The following CBLB variants were observed in gnomAD, a reference collection of about 807,000 sequenced individuals.
CBLB encodes E3 ubiquitin-protein ligase CBL-B.
In CBLB, 31 loss-of-function variants were observed where a neutral mutation model predicts 104.9. The ratio of observed to expected loss-of-function variants is 0.30; its 90% CI spans 0.22 to 0.40. The LOEUF (loss-of-function observed/expected upper bound fraction) is 0.40, where lower values mean the gene tolerates loss of function less well. Among genes scored for constraint, CBLB ranks in the 10% least tolerant of loss-of-function variants. The probability of loss-of-function intolerance (pLI) is 1.00; values close to 1 mark genes in which losing one functional copy is unlikely to be tolerated. For missense variants in CBLB, 1,062 were observed against 1,214.6 expected, an observed-to-expected ratio of 0.87 and a Z score of 1.87; for synonymous variants, 440 against 422.6, an observed-to-expected ratio of 1.04 and a Z score of -0.51.
chr3:105,771,290 A>G (rs1268604752), intron 4 of CBLB, among the ~76,000 whole-genome samples: 1 of 152,224 alleles, frequency 6.6e-6, no homozygotes, highest in African/African-American at 2.4e-5. Flanking sequence ...AAAAATATAT[A>G]TAATCATCTC....
intron 3 of CBLB, among the ~76,000 whole-genome samples, chr3:105,782,685 C>T (rs562919622): frequency 4.7e-4 from 70 of 150,450 alleles, no homozygotes; most frequent in Non-Finnish European, 8.7e-4. Context: ...CTCATGGGTT[C>T]AAGCGATTCT....
At chr3:105,719,545 G>T (rs1333333774) in intron 10 of CBLB, among the ~76,000 whole-genome samples, 1 of 152,164 alleles carries the variant, frequency 6.6e-6, no homozygotes, top group Non-Finnish European at 1.5e-5. Context: ...TAACGTCATA[G>T]CACAAAGCAT....
intron 14 of CBLB, 97 bp from the exon 15 acceptor site, chr3:105,681,915 T>TA: frequency 1.3e-6 from 1 of 751,524 alleles, no homozygotes; most frequent in South Asian, 1.5e-5. Flanking sequence ...GTTTATTTAA[T>TA]AAAGTTTGAA....
intron 14 of CBLB, among the ~76,000 whole-genome samples, chr3:105,683,081 T>G (rs529853508): frequency 2.0e-5 from 3 of 152,360 alleles, no homozygotes; most frequent in African/African-American, 7.2e-5. Flanking sequence ...GAAATTCATT[T>G]CTATTCTCTC....
chr3:105,728,173 C>T (rs2073903029), intron 9 of CBLB, among the ~76,000 whole-genome samples: 1 of 151,854 alleles, frequency 6.6e-6, no homozygotes, highest in African/African-American at 2.4e-5. Context: ...TCTTTATGTC[C>T]TCTCTGTTTG....
At chr3:105,810,694 T>C (rs759328096) in intron 3 of CBLB, among the ~76,000 whole-genome samples, 26 of 152,238 alleles carry the variant, frequency 1.7e-4, no homozygotes, top group South Asian at 1.0e-3. Context: ...TCTATAATTA[T>C]AAAAAGTAGG....
intron 2 of CBLB, among the ~76,000 whole-genome samples, chr3:105,854,481 G>A (rs2091344866): frequency 6.6e-6 from 1 of 152,032 alleles, no homozygotes; most frequent in Admixed American, 6.6e-5. Flanking sequence ...TGAAATAATT[G>A]AGAATTGCAC....
At chr3:105,723,518 A>G (rs1026569239) in intron 9 of CBLB, among the ~76,000 whole-genome samples, 1 of 152,134 alleles carries the variant, frequency 6.6e-6, no homozygotes, top group African/African-American at 2.4e-5. Context: ...AATAATTCAG[A>G]CTCACATTTC....
chr3:105,674,493 G>T (rs1295343019), intron 17 of CBLB, among the ~76,000 whole-genome samples: 1 of 152,180 alleles, frequency 6.6e-6, no homozygotes, highest in Non-Finnish European at 1.5e-5. Context: ...ACAGGTTAGA[G>T]AAACAGCAAA....
At chr3:105,807,124 C>T (rs2083610096) in intron 3 of CBLB, among the ~76,000 whole-genome samples, 1 of 152,090 alleles carries the variant, frequency 6.6e-6, no homozygotes, top group African/African-American at 2.4e-5. Flanking sequence ...AATAGAATAC[C>T]ATTATATGAA....
intron 9 of CBLB, among the ~76,000 whole-genome samples, chr3:105,721,726 A>G (rs759040768): frequency 5.9e-5 from 9 of 152,192 alleles, no homozygotes; most frequent in Non-Finnish European, 1.2e-4. Context: ...TACAGATAAC[A>G]AAACCAAGAT....
intron 6 of CBLB, among the ~76,000 whole-genome samples, chr3:105,740,990 A>G (rs1375002993): frequency 6.6e-6 from 1 of 152,182 alleles, no homozygotes; most frequent in East Asian, 1.9e-4. Context: ...AATAAAATAA[A>G]TAAGTAAAAA....
intron 6 of CBLB, among the ~76,000 whole-genome samples, chr3:105,740,919 G>A (rs995395968): frequency 2.6e-5 from 4 of 151,770 alleles, no homozygotes; most frequent in East Asian, 1.9e-4. Context: ...ATCAGGATGC[G>A]GTGTATGGAA....
intron 6 of CBLB, 146 bp from the exon 7 acceptor site, chr3:105,740,777 T>C (rs998147170): frequency 1.7e-5 from 12 of 726,196 alleles, no homozygotes; most frequent in African/African-American, 5.3e-5. Flanking sequence ...AACTTATTTT[T>C]AGCAACAATG....
chr3:105,837,965 A>C (rs1310514876), intron 3 of CBLB, among the ~76,000 whole-genome samples: 1 of 152,192 alleles, frequency 6.6e-6, no homozygotes, highest in African/African-American at 2.4e-5. Flanking sequence ...ATCCTATAGT[A>C]ATTCTAAAGA....
At chr3:105,694,900 A>G (rs1483284251) in intron 12 of CBLB, among the ~76,000 whole-genome samples, 1 of 151,826 alleles carries the variant, frequency 6.6e-6, no homozygotes, top group African/African-American at 2.4e-5. Context: ...AGTGTTCTGA[A>G]GTGTGCCAGA....
intron 4 of CBLB, among the ~76,000 whole-genome samples, chr3:105,772,374 A>G (rs1011179562): frequency 6.6e-6 from 1 of 152,262 alleles, no homozygotes; most frequent in Non-Finnish European, 1.5e-5. Flanking sequence ...AATCAACTCA[A>G]GATGGATCAA....
intron 3 of CBLB, among the ~76,000 whole-genome samples, chr3:105,806,704 G>C (rs570665417): frequency 1.2e-4 from 19 of 152,086 alleles, no homozygotes; most frequent in African/African-American, 4.1e-4. Flanking sequence ...CCTGCAACAG[G>C]TTACTTTTAA....
intron 3 of CBLB, among the ~76,000 whole-genome samples, chr3:105,780,333 G>T (rs1256387360): frequency 6.6e-6 from 1 of 151,932 alleles, no homozygotes; most frequent in Non-Finnish European, 1.5e-5. Context: ...AAGCCCATGG[G>T]ATTTCCCATC....
Sources: allele counts gnomAD v4.1 joint callset (sites outside exome capture counted in the v4.1 genomes callset), GRCh38; gene constraint gnomAD v4.1.1; transcripts MANE v1.5; gene names NCBI Gene and HGNC (gene_info 2026-07-23, HGNC 2026-07-21).